The following STAMBP variants were observed in gnomAD, a reference collection of about 807,000 sequenced individuals.
STAMBP encodes STAM binding protein, also known as STAM-binding protein.
In STAMBP, 31 loss-of-function variants were observed where a neutral mutation model predicts 50.7. The observed-to-expected ratio is 0.61, with a 90% CI of 0.46 to 0.83. STAMBP has a LOEUF of 0.83. STAMBP is among the 40% of genes least tolerant of loss of function. STAMBP has a pLI of 0.00. For synonymous variants in STAMBP, 211 were observed against 192.4 expected, an observed-to-expected ratio of 1.10 and a Z score of -0.80; for missense variants, 472 against 518.9, an observed-to-expected ratio of 0.91 and a Z score of 0.88.
chr2:73,845,851 C>T (rs2104472842), intron 4 of STAMBP, among the ~76,000 whole-genome samples: 1 of 152,308 alleles, frequency 6.6e-6, no homozygotes, highest in South Asian at 2.1e-4. Flanking sequence ...AAGATGGTCT[C>T]AAACTCCTGA....
intron 8 of STAMBP, 92 bp downstream of exon 8, chr2:73,859,458 C>A: frequency 1.0e-6 from 1 of 999,420 alleles, no homozygotes; most frequent in South Asian, 1.3e-5. Flanking sequence ...TGGACTTGTC[C>A]TTTGTAAAAT....
At chr2:73,849,255 G>A in intron 5 of STAMBP, 108 bp from the exon 6 acceptor site, 2 of 1,546,468 alleles carry the variant, frequency 1.3e-6, no homozygotes, top group South Asian at 2.3e-5. Context: ...CCTGAAGTTG[G>A]GGGAATCCCA....
exon 11 of STAMBP, chr2:73,873,560 C>G (rs1166894157): frequency 6.6e-6 from 1 of 152,226 alleles, no homozygotes; most frequent in Non-Finnish European, 1.5e-5. Context: ...TGATCTGTAG[C>G]CTTTCTTTCT....
intron 2 of STAMBP, among the ~76,000 whole-genome samples, chr2:73,839,132 C>T (rs1165803568): frequency 6.6e-6 from 1 of 152,190 alleles, no homozygotes; most frequent in Non-Finnish European, 1.5e-5. Flanking sequence ...ACTTTCTTTA[C>T]TTCAGGGTTT....
At chr2:73,852,917 G>GTT (rs1553383835) in intron 7 of STAMBP, among the ~76,000 whole-genome samples, 1 of 122,770 alleles carries the variant, frequency 8.1e-6, no homozygotes, top group Non-Finnish European at 1.8e-5. Flanking sequence ...ATGTTGGCCA[G>GTT]GTGTGTGTGT....
intron 2 of STAMBP, among the ~76,000 whole-genome samples, chr2:73,842,278 C>T (rs1675496900): frequency 1.3e-5 from 2 of 152,262 alleles, no homozygotes; most frequent in South Asian, 4.2e-4. Flanking sequence ...TGCACATTCT[C>T]CCCATGTCTG....
chr2:73,834,032 G>A (rs556763136), intron 2 of STAMBP, among the ~76,000 whole-genome samples: 1 of 150,864 alleles, frequency 6.6e-6, no homozygotes, highest in African/African-American at 2.4e-5. Context: ...TCAACATGGT[G>A]AAACCCCGTC....
In STAMBP at chr2:73,839,994, A is replaced by G. The variant is rs139654101; in HGVS notation, c.204-4819A>G. 4.8e-3 allele frequency among the ~76,000 whole-genome samples: 735 copies of G among 152,324 alleles called. 6 individuals are homozygous for G. Among genetic ancestry groups the G allele is most frequent in the Non-Finnish European group, 5.9e-3 (404 of 68,026 alleles). Reference sequence around the variant, plus strand: ...TCCTTACTCAAATGCCTCCTTCTTAATGATGACTTCCTTAGCTGCTGTATC... The same window carrying G: ...TCCTTACTCAAATGCCTCCTTCTTAGTGATGACTTCCTTAGCTGCTGTATC... On this transcript the variant is annotated intron_variant, in intron 2 of 9. Coordinates refer to ENST00000394070, the MANE Select transcript of STAMBP (RefSeq NM_213622.4).
intron 4 of STAMBP, among the ~76,000 whole-genome samples, chr2:73,846,746 C>T (rs1676117061): frequency 1.3e-5 from 2 of 151,920 alleles, no homozygotes; most frequent in African/African-American, 4.8e-5. Context: ...AAGAATAAAA[C>T]TGTCTGTGAT....
rs1676737239 is a variant in STAMBP, at chr2:73,850,986, T to C, written c.1005+473T>C. On this transcript the variant is annotated intron_variant, in intron 7 of 9. Coordinates refer to ENST00000394070, the MANE Select transcript of STAMBP (RefSeq NM_213622.4). This position sits in a 1 kb window ranked among gnomAD's most constrained non-coding sequence, Gnocchi z 4.3. The stretch of plus-strand genomic sequence containing the variant: ...GCTATAAATACACATGATTTTCAAG[T>C]GTCTGCATATCTTGTGCAGCCTTCT... Among the ~76,000 whole-genome samples the C allele has an allele frequency of 6.6e-6, 1 of 152,254 alleles. No individual in the cohort carries two copies. The highest frequency in any genetic ancestry group is 6.5e-5 in the Admixed American group (1 of 15,290).
chr2:73,833,361 A>G (rs894276157), intron 2 of STAMBP, among the ~76,000 whole-genome samples: 12 of 152,212 alleles, frequency 7.9e-5, no homozygotes. Context: ...CTTTAATGCC[A>G]TTATGTCATG....
Position 73,849,418 on chromosome 2 carries a change from G to C in STAMBP, c.798G>C (p.Gln266His), listed in dbSNP as rs746087395. Residue 266 changes from glutamine (Q) to histidine (H), a missense_variant, in exon 6 of 10, where the codon CAG (glutamine) becomes CAC (histidine). By Grantham distance (24) the Gln-to-His change is conservative. Transcript: ENST00000394070. The stretch of plus-strand genomic sequence containing the variant: ...TGGTGCCTGGGCGGCTGTGCCCACA[G>C]TTTCTCCAGTTAGCCAGTGCCAACA... The part of the protein sequence containing the change: ...HVVVPGRLCP[Q>H]FLQLASANTA... 6 of 1,613,346 alleles carry C rather than the reference G, an allele frequency of 3.7e-6. No homozygotes were observed. In the Admixed American group the frequency reaches 1.0e-4, roughly 27 times the overall value.
rs1298708518 is a variant in STAMBP at position 73,864,065 on chromosome 2, C to G, written c.*1806C>G. On this transcript the variant is annotated 3_prime_UTR_variant, in exon 10 of 10. Coordinates refer to ENST00000394070, the MANE Select transcript of STAMBP (RefSeq NM_213622.4). ...TATCTAGGGAGCAATTTAAAAAATACTGATGCCTGTGTTCTACCCCCCACC... is the reference window on the plus strand; with the variant it reads ...TATCTAGGGAGCAATTTAAAAAATAGTGATGCCTGTGTTCTACCCCCCACC... The G allele has an allele frequency of 6.6e-6, 1 of 152,184 alleles. No homozygotes were observed. Among genetic ancestry groups the G allele is most frequent in the African/African-American group, 2.4e-5 (1 of 41,434 alleles). 9.4% of individuals were successfully genotyped at this position (152,184 alleles called of 1,614,324 possible).
chr2:73,866,372 T>C lies in STAMBP; in HGVS notation c.*4113T>C, dbSNP rs1359493443. On this transcript the variant is annotated 3_prime_UTR_variant, in exon 10 of 10. Transcript: ENST00000394070. ...GTTTCCCACAATTTGTTGTGTGTGTTTTTTGTTGTTTTGCAGCGTTTTCAT... is the reference window on the plus strand; with the variant it reads ...GTTTCCCACAATTTGTTGTGTGTGTCTTTTGTTGTTTTGCAGCGTTTTCAT... The C allele has an allele frequency of 6.6e-6, 1 of 152,256 alleles. No individual in the cohort carries two copies. Among genetic ancestry groups the C allele is most frequent in the Non-Finnish European group, 1.5e-5 (1 of 68,034 alleles). 9.4% of individuals were successfully genotyped at this position (152,256 alleles called of 1,614,324 possible). A position where few individuals can be genotyped will look rare whatever the true frequency, so the allele number is the denominator to read the frequency against.
chr2:73,857,001 C>T (rs919358747), intron 7 of STAMBP, among the ~76,000 whole-genome samples: 2 of 152,198 alleles, frequency 1.3e-5, no homozygotes, highest in Admixed American at 6.5e-5. Flanking sequence ...ACACTTGGAA[C>T]CTAGATCTTG....
chr2:73,867,711 C>T (rs1231861529), downstream of STAMBP, among the ~76,000 whole-genome samples: 1 of 152,064 alleles, frequency 6.6e-6, no homozygotes, highest in Non-Finnish European at 1.5e-5. Flanking sequence ...AAATTTAGAA[C>T]TCTAAATGCT....
downstream of STAMBP, among the ~76,000 whole-genome samples, chr2:73,871,591 T>A (rs1225723531): frequency 6.6e-6 from 1 of 151,672 alleles, no homozygotes; most frequent in East Asian, 1.9e-4. Flanking sequence ...GACAGAAAAC[T>A]CAATTAAAAC....
intron 2 of STAMBP, among the ~76,000 whole-genome samples, chr2:73,840,692 C>G (rs756913972): frequency 1.3e-5 from 2 of 149,764 alleles, no homozygotes; most frequent in Non-Finnish European, 3.0e-5. Flanking sequence ...TGCAGTGAGC[C>G]GAGACTGCCC....
downstream of STAMBP, among the ~76,000 whole-genome samples, chr2:73,871,610 A>G (rs940859623): frequency 1.2e-4 from 19 of 152,092 alleles, no homozygotes; most frequent in Middle Eastern, 0.01. Context: ...ACTGGTGTTC[A>G]GGTACAGCTG....
Sources: allele counts gnomAD v4.1 joint callset (sites outside exome capture counted in the v4.1 genomes callset), GRCh38; gene constraint gnomAD v4.1.1; non-coding constraint Gnocchi (gnomAD v3.1); transcripts MANE v1.5; gene names NCBI Gene and HGNC (gene_info 2026-07-23, HGNC 2026-07-21).